Variants in ME3 observed in about 807,000 individuals in gnomAD.
ME3 encodes NADP-dependent malic enzyme, mitochondrial.
ME3 carries 48 observed loss-of-function variants against 68.9 expected under a neutral mutation model. The observed-to-expected ratio is 0.70, with a 90% CI of 0.55 to 0.89. The LOEUF is 0.89. Ranked by LOEUF, ME3 falls within the 40% of genes least tolerant of loss-of-function variation. The probability of loss-of-function intolerance (pLI) is 0.00; values close to 1 mark genes in which losing one functional copy is unlikely to be tolerated. For missense variants in ME3, 675 were observed against 797.4 expected, an observed-to-expected ratio of 0.85 and a Z score of 1.85; for synonymous variants, 320 against 318.8, an observed-to-expected ratio of 1.00 and a Z score of -0.04.
chr11:86,662,857 G>A (rs1001566029), intron 2 of ME3, among the ~76,000 whole-genome samples: 1 of 152,144 alleles, frequency 6.6e-6, no homozygotes, highest in African/African-American at 2.4e-5. Flanking sequence ...GAAGAATGCA[G>A]AATGTCTATT....
At chr11:86,586,637 A>G (rs1958751418) in intron 2 of ME3, among the ~76,000 whole-genome samples, 1 of 152,212 alleles carries the variant, frequency 6.6e-6, no homozygotes, top group South Asian at 2.1e-4. Flanking sequence ...GATGAAAAGG[A>G]CAAAAGTTCA....
chr11:86,452,699 A>T (rs1226307263), intron 8 of ME3, among the ~76,000 whole-genome samples: 3 of 152,250 alleles, frequency 2.0e-5, no homozygotes, highest in Non-Finnish European at 4.4e-5. Context: ...GTGACTATAT[A>T]TAATGGTACA....
chr11:86,547,483 G>A (rs966673753), intron 4 of ME3, among the ~76,000 whole-genome samples: 3 of 151,766 alleles, frequency 2.0e-5, no homozygotes, highest in South Asian at 2.1e-4. Flanking sequence ...CCTGTCGGGC[G>A]GGTGGGGGGT....
exon 3 of ME3, chr11:86,559,814 A>G: frequency 6.2e-7 from 1 of 1,613,850 alleles, no homozygotes; most frequent in South Asian, 1.1e-5. Flanking sequence ...TCAAGGGTAA[A>G]GGCCATCCCC....
chr11:86,576,278 AGAGAG>A (rs1035348808), intron 2 of ME3, among the ~76,000 whole-genome samples: 2 of 152,160 alleles, frequency 1.3e-5, no homozygotes, highest in African/African-American at 4.8e-5. Context: ...AGGTAACTAA[AGAGAG>A]GAGGCCAAGA....
At chr11:86,508,835 T>G (rs1227938930) in exon 5 of ME3, 1 of 1,613,828 alleles carries the variant, frequency 6.2e-7, no homozygotes, top group Non-Finnish European at 8.5e-7. Flanking sequence ...TGTTGCAAGA[T>G]GACCTTTGTC....
chr11:86,445,625 G>C (rs1247800514), intron 13 of ME3, among the ~76,000 whole-genome samples: 1 of 152,202 alleles, frequency 6.6e-6, no homozygotes, highest in Non-Finnish European at 1.5e-5. Flanking sequence ...AATGTCAAGT[G>C]CCTGGCACTT....
chr11:86,540,460 G>T (rs1336694619), intron 4 of ME3, among the ~76,000 whole-genome samples: 3 of 152,116 alleles, frequency 2.0e-5, no homozygotes, highest in African/African-American at 7.2e-5. Context: ...CAGTGGAGTG[G>T]ATAGGGGTTT....
At chr11:86,589,771 C>T (rs115463772) in intron 2 of ME3, among the ~76,000 whole-genome samples, 2,440 of 152,304 alleles carry the variant, frequency 0.016, 57 homozygotes, top group African/African-American at 0.056. Context: ...TATTGGAAAA[C>T]GTTTCTGCAT....
chr11:86,605,629 G>A (rs184667786), intron 2 of ME3, among the ~76,000 whole-genome samples: 9 of 152,190 alleles, frequency 5.9e-5, no homozygotes, highest in Admixed American at 4.6e-4. Flanking sequence ...GAATTACATC[G>A]AAGTCAATGA....
chr11:86,521,377 A>C (rs1954268195), intron 4 of ME3, among the ~76,000 whole-genome samples: 1 of 150,416 alleles, frequency 6.6e-6, no homozygotes, highest in Non-Finnish European at 1.5e-5. Context: ...CCTGGGCGAC[A>C]GAGCGAGACT....
At chr11:86,453,833 A>G (rs978740344) in intron 8 of ME3, among the ~76,000 whole-genome samples, 1 of 152,230 alleles carries the variant, frequency 6.6e-6, no homozygotes. Flanking sequence ...TGAGAGAACT[A>G]GTCTCATAGC....
intron 2 of ME3, among the ~76,000 whole-genome samples, chr11:86,571,173 ACT>A (rs1427368107): frequency 6.6e-6 from 1 of 152,126 alleles, no homozygotes; most frequent in East Asian, 1.9e-4. Context: ...GAGGTCAGGG[ACT>A]CTGTCTCAAT....
chr11:86,475,074 G>C (rs1281226092), intron 7 of ME3, among the ~76,000 whole-genome samples: 1 of 152,212 alleles, frequency 6.6e-6, no homozygotes, highest in East Asian at 1.9e-4. Flanking sequence ...TTCAGGACAA[G>C]TCTTTTCTTT....
chr11:86,561,573 T>C (rs923651544), intron 2 of ME3, among the ~76,000 whole-genome samples: 9 of 152,254 alleles, frequency 5.9e-5, no homozygotes, highest in African/African-American at 2.2e-4. Flanking sequence ...TGGATCATTT[T>C]AGCCCCATCA....
intron 4 of ME3, among the ~76,000 whole-genome samples, chr11:86,521,413 C>T (rs11234673): frequency 8.9e-6 from 1 of 112,344 alleles, no homozygotes; most frequent in Non-Finnish European, 2.0e-5. Flanking sequence ...ACAAACAAAA[C>T]AAAACAAAAC....
intron 2 of ME3, among the ~76,000 whole-genome samples, chr11:86,647,581 CA>C (rs1242096102): frequency 6.8e-6 from 1 of 146,812 alleles, no homozygotes; most frequent in East Asian, 2.0e-4. Flanking sequence ...AAATGGAAAA[CA>C]AAAAAAAAGC....
chr11:86,582,308 T>G (rs1291766832), intron 2 of ME3, among the ~76,000 whole-genome samples: 1 of 152,230 alleles, frequency 6.6e-6, no homozygotes, highest in African/African-American at 2.4e-5. Context: ...AGACATTGAT[T>G]GAAACTTACA....
At chr11:86,578,363 T>C (rs1958237348) in intron 2 of ME3, among the ~76,000 whole-genome samples, 1 of 152,102 alleles carries the variant, frequency 6.6e-6, no homozygotes, top group Non-Finnish European at 1.5e-5. Context: ...TTTGATGGAC[T>C]CAGCTTGGGA....
Sources: allele counts gnomAD v4.1 joint callset (sites outside exome capture counted in the v4.1 genomes callset), GRCh38; gene constraint gnomAD v4.1.1; transcripts MANE v1.5; gene names NCBI Gene and HGNC (gene_info 2026-07-23, HGNC 2026-07-21).